Variants in TXNL4A observed in about 807,000 individuals in gnomAD.
The protein encoded by TXNL4A is thioredoxin-like protein 4A.
A neutral mutation model predicts 14.6 loss-of-function variants in TXNL4A; 17 were observed. The ratio of observed to expected loss-of-function variants is 1.16; its 90% CI spans 0.80 to 1.74. The LOEUF is 1.74. Ranked by LOEUF, TXNL4A falls within the 40% of genes most tolerant of loss-of-function variation. The probability of loss-of-function intolerance (pLI) is 0.00; values close to 1 mark genes in which losing one functional copy is unlikely to be tolerated. For synonymous variants in TXNL4A, 83 were observed against 70.6 expected, an observed-to-expected ratio of 1.18 and a Z score of -0.88; for missense variants, 74 against 195.2, an observed-to-expected ratio of 0.38 and a Z score of 3.70.
At chr18:80,029,808 C>T (rs1039039543) in intron 1 of TXNL4A, among the ~76,000 whole-genome samples, 1 of 152,134 alleles carries the variant, frequency 6.6e-6, no homozygotes, top group Non-Finnish European at 1.5e-5. Flanking sequence ...TGGGAACAAA[C>T]ATAATCAACC....
At chr18:79,983,248 G>T (rs906923917) in intron 1 of TXNL4A, among the ~76,000 whole-genome samples, 1 of 152,204 alleles carries the variant, frequency 6.6e-6, no homozygotes, top group African/African-American at 2.4e-5. Flanking sequence ...TGATTCGCCT[G>T]CCTCGGCTTC....
chr18:79,975,554 G>A lies in TXNL4A; in HGVS notation c.258-1698C>T, dbSNP rs1399894731. 5.3e-5 allele frequency among the ~76,000 whole-genome samples: 8 copies of A among 152,170 alleles called. No homozygotes were observed. The East Asian group carries it at 1.3e-3, about 26-fold the overall frequency. ...GCTGTGGGGGGCAGAGACCTAAGAC[G>A]GCCCTCCCTGTTCTCACCTGAAGAA... On this transcript the variant is annotated intron_variant, in intron 2 of 2. Transcript: ENST00000269601.
At chr18:80,018,781 G>A (rs868277250) in intron 1 of TXNL4A, among the ~76,000 whole-genome samples, 2 of 152,128 alleles carry the variant, frequency 1.3e-5, no homozygotes, top group Non-Finnish European at 2.9e-5. Context: ...AACAGCACCC[G>A]TCACTTTTTG....
intron 1 of TXNL4A, among the ~76,000 whole-genome samples, chr18:79,981,493 G>A (rs2051463055): frequency 6.6e-6 from 1 of 151,948 alleles, no homozygotes; most frequent in South Asian, 2.1e-4. Context: ...CCAACGTGGT[G>A]CAACCCTGTC....
At chr18:80,007,684 T>A (rs1327928549) in intron 1 of TXNL4A, among the ~76,000 whole-genome samples, 1 of 151,936 alleles carries the variant, frequency 6.6e-6, no homozygotes, top group Non-Finnish European at 1.5e-5. Context: ...ACTAATGGCC[T>A]AAATAAACAA....
intron 1 of TXNL4A, among the ~76,000 whole-genome samples, chr18:80,031,338 A>G (rs184904044): frequency 7.9e-5 from 12 of 152,306 alleles, no homozygotes; most frequent in East Asian, 5.8e-4. Flanking sequence ...GCAGTGACCA[A>G]CTATTTATTG....
At chr18:80,025,339 T>C (rs554525795) in intron 1 of TXNL4A, among the ~76,000 whole-genome samples, 11 of 152,316 alleles carry the variant, frequency 7.2e-5, no homozygotes, top group African/African-American at 2.6e-4. Context: ...ACTTGGTAAC[T>C]CCACCTACAC....
In TXNL4A at chr18:79,982,241, G is replaced by A. The variant is rs899257609; in HGVS notation, c.154-4540C>T. Among the ~76,000 whole-genome samples the A allele has an allele frequency of 5.3e-5, 8 of 152,210 alleles. No homozygotes were observed. The highest frequency in any genetic ancestry group is 5.2e-4 in the Admixed American group (8 of 15,276). The stretch of plus-strand genomic sequence containing the variant: ...GCAGAAGTGCAGGACAGTGGGGACC[G>A]ATGCGCAGGTGGACTGGCCCACAGA... On this transcript the variant is annotated intron_variant, in intron 1 of 2. Coordinates refer to ENST00000269601, the MANE Select transcript of TXNL4A (RefSeq NM_006701.5). This position sits in a 1 kb window ranked among gnomAD's most constrained non-coding sequence, Gnocchi z 4.0.
chr18:80,024,157 G>A (rs1465350322), intron 1 of TXNL4A, among the ~76,000 whole-genome samples: 1 of 151,624 alleles, frequency 6.6e-6, no homozygotes, highest in East Asian at 1.9e-4. Flanking sequence ...ATGTTTCTCA[G>A]CTGGGGGGGT....
At chr18:80,031,426 G>A (rs1173286280) in intron 1 of TXNL4A, among the ~76,000 whole-genome samples, 1 of 152,218 alleles carries the variant, frequency 6.6e-6, no homozygotes, top group African/African-American at 2.4e-5. Flanking sequence ...TTGGGATGAT[G>A]CTCCCCAGGT....
chr18:79,977,178 C>T (rs7242758), intron 2 of TXNL4A, among the ~76,000 whole-genome samples: 89 of 152,152 alleles, frequency 5.8e-4, no homozygotes, highest in African/African-American at 2.1e-3. Flanking sequence ...CAGCTGGTCT[C>T]GAACTCCTGA....
Position 80,004,599 on chromosome 18 carries a change from C to T in TXNL4A, c.-60-26898G>A, listed in dbSNP as rs887702532. ...AAGAGGAAAGTAAGTGCCAGGCCCT[C>T]GGCTTCGTGAAAGGGGTGGGTGGGC... On this transcript the variant is annotated intron_variant, in intron 1 of 2. Transcript: ENST00000585474. 2.6e-5 allele frequency among the ~76,000 whole-genome samples: 4 copies of T among 152,200 alleles called. No homozygotes were observed. In the East Asian group the frequency reaches 5.8e-4, roughly 22 times the overall value.
At chr18:80,001,300 C>T (rs112890438) in intron 1 of TXNL4A, among the ~76,000 whole-genome samples, 2,065 of 152,284 alleles carry the variant, frequency 0.014, 13 homozygotes, top group Non-Finnish European at 0.022. Flanking sequence ...AATGCCTGGA[C>T]GTCCAGGCAG....
intron 1 of TXNL4A, among the ~76,000 whole-genome samples, chr18:80,022,870 T>G (rs1224488361): frequency 6.6e-6 from 1 of 152,304 alleles, no homozygotes; most frequent in East Asian, 1.9e-4. Context: ...GGAGGTAGTA[T>G]GCAGGACTAG....
rs1263595389 is a variant in TXNL4A, at chr18:79,984,591, T to A, written c.153+3649A>T. ...AACAAACAAAAAAAATGTACTATCATGAGTCAATAATATTACTGAGGAATT... is the reference window on the plus strand; with the variant it reads ...AACAAACAAAAAAAATGTACTATCAAGAGTCAATAATATTACTGAGGAATT... On this transcript the variant is annotated intron_variant, in intron 1 of 2. Transcript: ENST00000269601. 5.9e-5 allele frequency among the ~76,000 whole-genome samples: 9 copies of A among 152,186 alleles called. 1 individual carries two copies. The highest frequency in any genetic ancestry group is 1.2e-4 in the Non-Finnish European group (8 of 68,030).
intron 1 of TXNL4A, among the ~76,000 whole-genome samples, chr18:80,008,936 C>A (rs2051751045): frequency 6.6e-6 from 1 of 152,210 alleles, no homozygotes; most frequent in African/African-American, 2.4e-5. Context: ...AGCCACCACG[C>A]CCGACTAATT....
upstream of TXNL4A, among the ~76,000 whole-genome samples, chr18:79,992,286 G>C (rs1035813814): frequency 1.2e-4 from 18 of 152,146 alleles, no homozygotes; most frequent in Non-Finnish European, 2.6e-4. Flanking sequence ...TTCCTCAGTG[G>C]CCAGGCCTAT....
chr18:79,996,722 C>T (rs1312293940), intron 1 of TXNL4A, among the ~76,000 whole-genome samples: 1 of 152,206 alleles, frequency 6.6e-6, no homozygotes, highest in Non-Finnish European at 1.5e-5. Context: ...GCAGGTGGCT[C>T]ACTTGAAGTT....
intron 1 of TXNL4A, among the ~76,000 whole-genome samples, chr18:80,007,825 G>C (rs553748210): frequency 1.2e-4 from 19 of 152,122 alleles, no homozygotes; most frequent in Non-Finnish European, 2.5e-4. Context: ...CCCCAGATAA[G>C]GAGTTTTGCC....
Sources: allele counts gnomAD v4.1 joint callset (sites outside exome capture counted in the v4.1 genomes callset), GRCh38; gene constraint gnomAD v4.1.1; non-coding constraint Gnocchi (gnomAD v3.1); transcripts MANE v1.5; gene names NCBI Gene and HGNC (gene_info 2026-07-23, HGNC 2026-07-21).